Variants in OCM observed in about 807,000 individuals in gnomAD.
OCM encodes oncomodulin-1.
OCM carries 18 observed loss-of-function variants against 14.1 expected under a neutral mutation model. That is an observed-to-expected ratio of 1.28 (90% CI 0.88 to 1.89). The LOEUF (loss-of-function observed/expected upper bound fraction) is 1.89, where lower values mean the gene tolerates loss of function less well. Ranked by LOEUF, OCM falls within the 40% of genes most tolerant of loss-of-function variation. OCM has a pLI of 0.00. For missense variants in OCM, 140 were observed against 137.6 expected (o/e 1.02, Z -0.09); for synonymous variants, 48 against 51.0 (o/e 0.94, Z 0.25).
intron 2 of OCM, among the ~76,000 whole-genome samples, chr7:5,882,984 A>C (rs144450101): frequency 0.062 from 9,469 of 151,740 alleles, 796 homozygotes; most frequent in East Asian, 0.44. Flanking sequence ...CTGGGATTAC[A>C]GGTGCCTGCC....
chr7:5,866,648 C>T, the OCM span, among the ~76,000 whole-genome samples: 1 of 152,172 alleles, frequency 6.6e-6, no homozygotes, highest in Non-Finnish European at 1.5e-5. Flanking sequence ...AGAATTTAAA[C>T]TCACTCAACT....
upstream of OCM, chr7:5,880,730 G>C (rs1234947519): frequency 1.6e-6 from 1 of 637,964 alleles, no homozygotes; most frequent in Non-Finnish European, 2.6e-6. Flanking sequence ...TTGCACTCCA[G>C]CCTGGGTGAC....
At chr7:5,874,255 A>G in the OCM span, among the ~76,000 whole-genome samples, 1 of 125,730 alleles carries the variant, frequency 8.0e-6, no homozygotes, top group African/African-American at 3.0e-5. Context: ...AAAAAAAAAG[A>G]TCTATTTCCA....
chr7:5,880,873 G>A lies in OCM; in HGVS notation c.-17G>A. On this transcript the variant is annotated 5_prime_UTR_variant, in exon 1 of 4. The change creates a new upstream start codon in the 5' untranslated region. Transcript: ENST00000242104. ...TGGCTTATCGCCTCTCATTTATTCT[G>A]TGTGAGTAGGTAGAAAATGAGCATC... 4 of 1,613,520 alleles carry A rather than the reference G, an allele frequency of 2.5e-6. No individual in the cohort carries two copies. Among genetic ancestry groups the A allele is most frequent in the African/African-American group, 1.3e-5 (1 of 75,018 alleles).
chr7:5,870,366 G>C, the OCM span, among the ~76,000 whole-genome samples: 1 of 152,148 alleles, frequency 6.6e-6, no homozygotes. Flanking sequence ...CCCTGCCTCA[G>C]CCTCCCAAAG....
chr7:5,878,128 C>T (rs1453516388), upstream of OCM, among the ~76,000 whole-genome samples: 3 of 151,172 alleles, frequency 2.0e-5, no homozygotes, highest in Non-Finnish European at 4.4e-5. Flanking sequence ...CCACGCCCAG[C>T]TAATTTTTGT....
the OCM span, among the ~76,000 whole-genome samples, chr7:5,864,334 G>A: frequency 6.9e-6 from 1 of 144,386 alleles, no homozygotes; most frequent in Non-Finnish European, 1.5e-5. Flanking sequence ...GTGACAGGGG[G>A]AGACCTTGTC....
At chr7:5,877,657 T>A (rs1781121418), upstream of OCM, among the ~76,000 whole-genome samples, 1 of 150,326 alleles carries the variant, frequency 6.7e-6, no homozygotes, top group South Asian at 2.1e-4. Flanking sequence ...TCATCTCTAC[T>A]AAAAATGCAA....
At chr7:5,869,079 A>C in the OCM span, among the ~76,000 whole-genome samples, 4 of 151,930 alleles carry the variant, frequency 2.6e-5, no homozygotes, top group African/African-American at 9.7e-5. Flanking sequence ...AAACAAAACA[A>C]AACAAAACAA....
At chr7:5,862,944 A>G in the OCM span, among the ~76,000 whole-genome samples, 3 of 151,340 alleles carry the variant, frequency 2.0e-5, no homozygotes, top group Non-Finnish European at 4.4e-5. Context: ...TGGGCTTGAG[A>G]TGAATGCAAC....
the OCM span, among the ~76,000 whole-genome samples, chr7:5,859,759 G>A: frequency 2.6e-5 from 4 of 151,960 alleles, no homozygotes; most frequent in Admixed American, 6.6e-5. Flanking sequence ...GTGCAATGGC[G>A]TGATCTCAGC....
At chr7:5,878,521 C>T (rs1196845603), upstream of OCM, among the ~76,000 whole-genome samples, 8 of 149,374 alleles carry the variant, frequency 5.4e-5, no homozygotes, top group African/African-American at 7.4e-5. Context: ...CCGAGGTGGG[C>T]GGATCACGAG....
chr7:5,866,578 CTTA>C, the OCM span, among the ~76,000 whole-genome samples: 1 of 152,068 alleles, frequency 6.6e-6, no homozygotes, highest in Admixed American at 6.6e-5. Flanking sequence ...ATTTCGTTGA[CTTA>C]TTATATTAAA....
chr7:5,861,493 C>G, the OCM span, among the ~76,000 whole-genome samples: 1 of 151,928 alleles, frequency 6.6e-6, no homozygotes, highest in Non-Finnish European at 1.5e-5. Context: ...GTGATAGACA[C>G]TTCCACTGTG....
At chr7:5,877,606 A>C (rs912126652), upstream of OCM, among the ~76,000 whole-genome samples, 4 of 150,944 alleles carry the variant, frequency 2.6e-5, no homozygotes, top group African/African-American at 9.7e-5. Flanking sequence ...ATCACTTGAG[A>C]TCAGGAGTTC....
At chr7:5,882,407 T>C in intron 1 of OCM, 86 bp from the exon 2 acceptor site, 4 of 1,488,696 alleles carry the variant, frequency 2.7e-6, no homozygotes, top group Non-Finnish European at 3.7e-6. Context: ...TTGAAGTGTT[T>C]TTAATTATCT....
upstream of OCM, among the ~76,000 whole-genome samples, chr7:5,876,995 G>A (rs369884152): frequency 6.6e-6 from 1 of 152,038 alleles, no homozygotes; most frequent in East Asian, 1.9e-4. Flanking sequence ...AGTAGAGACG[G>A]GGGTTTCTCC....
the OCM span, among the ~76,000 whole-genome samples, chr7:5,862,355 A>G: frequency 6.6e-5 from 10 of 152,050 alleles, no homozygotes; most frequent in Admixed American, 6.6e-4. Flanking sequence ...CCACCAAGAC[A>G]GAACGTTACG....
chr7:5,864,363 G>T, the OCM span, among the ~76,000 whole-genome samples: 1 of 149,386 alleles, frequency 6.7e-6, no homozygotes, highest in Admixed American at 6.7e-5. Context: ...AAAAAAAAAG[G>T]AAGAATGACC....
Sources: allele counts gnomAD v4.1 joint callset (sites outside exome capture counted in the v4.1 genomes callset), GRCh38; gene constraint gnomAD v4.1.1; transcripts MANE v1.5; gene names NCBI Gene and HGNC (gene_info 2026-07-23, HGNC 2026-07-21).